KIF1A: variants seen among roughly 807,000 people sequenced by gnomAD.
KIF1A encodes the protein kinesin family member 1A.
KIF1A carries 46 observed loss-of-function variants against 227.3 expected under a neutral mutation model. The observed-to-expected ratio is 0.20, with a 90% CI of 0.16 to 0.26. KIF1A has a LOEUF of 0.26. KIF1A is among the 10% of genes least tolerant of loss of function. The probability of loss-of-function intolerance (pLI) is 1.00; values close to 1 mark genes in which losing one functional copy is unlikely to be tolerated. For missense variants in KIF1A, 1,683 were observed against 2,485.9 expected, an observed-to-expected ratio of 0.68 and a Z score of 6.87; for synonymous variants, 1,022 against 1,012.8, an observed-to-expected ratio of 1.01 and a Z score of -0.17.
chr2:240,745,700 CT>C, intron 31 of KIF1A, 37 bp downstream of exon 31: 1 of 1,598,808 alleles, frequency 6.3e-7, no homozygotes, highest in Non-Finnish European at 8.5e-7. Context: ...CACAGAGTCC[CT>C]GCGCAGCGCA....
In KIF1A at chr2:240,790,564, C is replaced by A. The variant is rs2055541632; in HGVS notation, c.107-1252G>T. ...GAGTTAAACTGTGTCCCCCTAATTT[C>A]ATATTTTGAAGCCTTTACCCCCAGT... is the stretch of plus-strand genomic sequence containing the variant. On this transcript the variant is annotated intron_variant, in intron 2 of 48. Coordinates refer to ENST00000498729, the MANE Select transcript of KIF1A (RefSeq NM_001244008.2). The surrounding 1 kb of genome is among the most constrained non-coding windows in gnomAD (Gnocchi z 5.0). 6.6e-6 allele frequency among the ~76,000 whole-genome samples: 1 copy of A among 151,962 alleles called. No individual in the cohort carries two copies. Among genetic ancestry groups the A allele is most frequent in the Non-Finnish European group, 1.5e-5 (1 of 68,004 alleles).
At chr2:240,756,274 G>A (rs2049839046) in intron 27 of KIF1A, among the ~76,000 whole-genome samples, 1 of 152,136 alleles carries the variant, frequency 6.6e-6, no homozygotes, top group Admixed American at 6.5e-5. Flanking sequence ...GCCAAAAAAA[G>A]GTTGCTATTA....
chr2:240,796,432 G>A (rs541381341), intron 2 of KIF1A, among the ~76,000 whole-genome samples: 1 of 152,190 alleles, frequency 6.6e-6, no homozygotes, highest in Non-Finnish European at 1.5e-5. Flanking sequence ...CCCGGCCACG[G>A]AGGTCACCCA....
rs951958794 is a variant in KIF1A at position 240,714,817 on chromosome 2, A to T, written c.*2547T>A. 7 of 152,242 alleles carry T rather than the reference A, an allele frequency of 4.6e-5. No homozygotes were observed. Among genetic ancestry groups the T allele is most frequent in the African/African-American group, 1.4e-4 (6 of 41,438 alleles). The allele number at this position is 152,242 out of a possible 1,614,324, so 9.4% of individuals were successfully genotyped here. A position where few individuals can be genotyped will look rare whatever the true frequency, so the allele number is the denominator to read the frequency against. On this transcript the variant is annotated 3_prime_UTR_variant, in exon 49 of 49. Coordinates refer to ENST00000498729, the MANE Select transcript of KIF1A (RefSeq NM_001244008.2). Reference sequence around the variant, plus strand: ...CACTAGAGCAGGCCCGGAAGGAGGGAGTCGGCGGAGGCTGCAGTGTGGCTC... The same window carrying T: ...CACTAGAGCAGGCCCGGAAGGAGGGTGTCGGCGGAGGCTGCAGTGTGGCTC...
At chr2:240,795,162 A>T (rs2056222314) in intron 2 of KIF1A, among the ~76,000 whole-genome samples, 1 of 152,206 alleles carries the variant, frequency 6.6e-6, no homozygotes, top group Admixed American at 6.5e-5. Context: ...GCCCAAAAAA[A>T]GTGTAGGGGC....
At chr2:240,748,026 C>G (rs1034082755) in intron 28 of KIF1A, among the ~76,000 whole-genome samples, 1 of 152,238 alleles carries the variant, frequency 6.6e-6, no homozygotes, top group African/African-American at 2.4e-5. Flanking sequence ...CCCTTCTCCA[C>G]CACCACAGCC....
chr2:240,719,721 TC>T, intron 46 of KIF1A, 52 bp downstream of exon 46: 1 of 1,464,232 alleles, frequency 6.8e-7, no homozygotes, highest in Non-Finnish European at 9.0e-7. Context: ...GGCCTGCCTG[TC>T]CCCTGTCAGC....
chr2:240,796,116 G>A (rs150336234), intron 2 of KIF1A, among the ~76,000 whole-genome samples: 60 of 152,280 alleles, frequency 3.9e-4, no homozygotes, highest in African/African-American at 1.4e-3. Flanking sequence ...TGCCCACCCC[G>A]GGCCACAGTG....
Position 240,785,005 on chromosome 2 carries a change from T to C in KIF1A, c.704A>G (p.Asn235Ser), listed in dbSNP as rs916761953. The C allele has an allele frequency of 6.2e-7, 1 of 1,613,184 alleles. No individual in the cohort carries two copies. The highest frequency in any genetic ancestry group is 1.3e-5 in the African/African-American group (1 of 74,922). The change falls in exon 7 of 49, where the codon AAT (asparagine) becomes AGT (serine). Residue 235 changes from asparagine to serine, a missense_variant. Asn to Ser is a conservative substitution (Grantham distance 46). Coordinates refer to ENST00000498729, the MANE Select transcript of KIF1A (RefSeq NM_001244008.2). The part of the protein sequence containing the change: ...FTQKRHDAET[N>S]ITTEKVSKIS... ...CTCACTCACCTTCTCCGTGGTGATA[T>C]TGGTCTCTGCGTCATGGCGCTTCTG... is the stretch of plus-strand genomic sequence containing the variant.
chr2:240,753,663 G>A (rs1180870463), intron 27 of KIF1A, among the ~76,000 whole-genome samples: 1 of 152,152 alleles, frequency 6.6e-6, no homozygotes, highest in Non-Finnish European at 1.5e-5. Flanking sequence ...CTCCTGGGAG[G>A]CAGTGCACCC....
At chr2:240,820,828 G>A (rs904565569), upstream of KIF1A, among the ~76,000 whole-genome samples, 1 of 152,078 alleles carries the variant, frequency 6.6e-6, no homozygotes, top group Admixed American at 6.5e-5. This position sits in a 1 kb window ranked among gnomAD's most constrained non-coding sequence, Gnocchi z 6.2. Context: ...CAACCCGCCC[G>A]CGGACCCGCC....
chr2:240,753,625 G>A (rs1208808286), intron 27 of KIF1A, among the ~76,000 whole-genome samples: 2 of 152,120 alleles, frequency 1.3e-5, no homozygotes, highest in African/African-American at 4.8e-5. Context: ...GCACAGTGGC[G>A]AGCACACAGG....
intron 10 of KIF1A, 95 bp downstream of exon 10, chr2:240,782,495 C>G (rs1211905396): frequency 6.6e-6 from 9 of 1,357,986 alleles, no homozygotes; most frequent in Non-Finnish European, 8.2e-6. Flanking sequence ...AGCGCACTCA[C>G]TGCCCGCCCC....
In KIF1A at chr2:240,766,747, T is replaced by TCACACACACACACACA. The variant is rs1344499129; in HGVS notation, c.1684+167_1684+168insTGTGTGTGTGTGTGTG. 9.2e-5 allele frequency among the ~76,000 whole-genome samples: 11 copies of TCACACACACACACACA among 119,516 alleles called. No individual in the cohort carries two copies. Among genetic ancestry groups the TCACACACACACACACA allele is most frequent in the East Asian group, 5.6e-4 (2 of 3,566 alleles). The allele number at this position is 119,516 out of a possible 152,430, so 78.4% of individuals were successfully genotyped here. On this transcript the variant is annotated intron_variant, in intron 19 of 48. Transcript: ENST00000498729. The surrounding 1 kb of genome is among the most constrained non-coding windows in gnomAD (Gnocchi z 5.0). ...ATCTCTCTCTCTCTCTCTCTCTCTC[T>TCACACACACACACACA]CTCACACACACACACACACACACAC...
chr2:240,724,934 CGGGGGGGGGGGG>C (rs869120244), intron 40 of KIF1A: 3 of 20,394 alleles, frequency 1.5e-4, no homozygotes, highest in Non-Finnish European at 2.5e-4. Context: ...TCACCGGCGG[CGGGGGGGGGGGG>C]GGGGGAACGG....
At chr2:240,746,013 C>T in intron 30 of KIF1A, 26 bp downstream of exon 30, 1 of 1,606,352 alleles carries the variant, frequency 6.2e-7, no homozygotes, top group Middle Eastern at 1.7e-4. Context: ...CCCCTACGCC[C>T]TGGGCAGCTG....
Position 240,743,971 on chromosome 2 carries a change from C to A in KIF1A, c.3555G>T (p.Pro1185=). ...FEVFGHYQQH[P]FPPLCKDVLS... is the part of the protein sequence containing the mutation. ...GCACGTCCTTGCAGAGGGGCGGGAA[C>A]GGGTGCTGCTGGTAGTGGCCAAAGA... Residue 1185 remains proline, a synonymous_variant, in exon 33 of 49, where the codon CCG becomes CCT. Transcript: ENST00000498729. 1 of 1,613,500 alleles carries A rather than the reference C, an allele frequency of 6.2e-7. No homozygotes were observed. Among genetic ancestry groups the A allele is most frequent in the Non-Finnish European group, 8.5e-7 (1 of 1,179,662 alleles).
At position 240,725,940 on chromosome 2, in the gene KIF1A, C is replaced by T. The variant is rs62187814; in HGVS notation, c.4123-536G>A. ...GAAGAGCTCTGCCAGCGCCTCCTCA[C>T]GGCAACCTCACCACCATCTGGTGAG... On this transcript the variant is annotated intron_variant, in intron 39 of 48. Coordinates refer to ENST00000498729, the MANE Select transcript of KIF1A (RefSeq NM_001244008.2). This position sits in a 1 kb window ranked among gnomAD's most constrained non-coding sequence, Gnocchi z 5.8. 0.014 allele frequency: 2,191 copies of T among 152,754 alleles called. 25 individuals are homozygous for T. Among genetic ancestry groups the T allele is most frequent in the South Asian group, 0.019 (90 of 4,844 alleles). The allele number at this position is 152,754 out of a possible 1,614,324, so 9.5% of individuals were successfully genotyped here. A position where few individuals can be genotyped will look rare whatever the true frequency, so the allele number is the denominator to read the frequency against.
intron 37 of KIF1A, chr2:240,737,389 C>A: frequency 2.1e-6 from 1 of 478,850 alleles, no homozygotes; most frequent in Non-Finnish European, 3.9e-6. Context: ...GTCTGTCTCT[C>A]GGCCACAGTG....
Sources: gnomAD v4.1 joint callset for allele counts (sites outside exome capture counted in the v4.1 genomes callset) on GRCh38, gnomAD v4.1.1 for gene constraint, Gnocchi (gnomAD v3.1) non-coding constraint, MANE v1.5 for transcripts, NCBI Gene and HGNC (gene_info 2026-07-23, HGNC 2026-07-21) for gene names.